SYT9: variants seen among roughly 807,000 people sequenced by gnomAD.
SYT9 encodes the protein synaptotagmin 9.
In SYT9, 22 loss-of-function variants were observed where a neutral mutation model predicts 48.4. The ratio of observed to expected loss-of-function variants is 0.45; its 90% CI spans 0.32 to 0.65. SYT9 has a LOEUF of 0.65. Ranked by LOEUF, SYT9 falls within the 30% of genes least tolerant of loss-of-function variation. The pLI, the probability that SYT9 is intolerant of heterozygous loss-of-function variation, is 0.03. For synonymous variants in SYT9, 265 were observed against 245.0 expected (o/e 1.08, Z -0.76); for missense variants, 577 against 622.0 (o/e 0.93, Z 0.77).
chr11:7,253,029 A>AC (rs1847903739), intron 1 of SYT9, among the ~76,000 whole-genome samples: 1 of 152,038 alleles, frequency 6.6e-6, no homozygotes, highest in Non-Finnish European at 1.5e-5. Flanking sequence ...ACCTGTAGTT[A>AC]CTCCTAGTGA....
intron 6 of SYT9, among the ~76,000 whole-genome samples, chr11:7,429,317 T>C (rs1249106485): frequency 6.6e-6 from 1 of 152,206 alleles, no homozygotes; most frequent in East Asian, 1.9e-4. Context: ...GTGTGAATGT[T>C]TGGACAAAGA....
At chr11:7,310,082 A>G (rs1431165455) in intron 2 of SYT9, among the ~76,000 whole-genome samples, 1 of 152,202 alleles carries the variant, frequency 6.6e-6, no homozygotes, top group Non-Finnish European at 1.5e-5. Flanking sequence ...ATGTTTCAGT[A>G]GATAATAGTA....
At chr11:7,279,563 C>T (rs2133900023) in intron 1 of SYT9, among the ~76,000 whole-genome samples, 1 of 152,232 alleles carries the variant, frequency 6.6e-6, no homozygotes, top group Non-Finnish European at 1.5e-5. Context: ...CCATGACCAC[C>T]TCCCGCCTTC....
upstream of SYT9, among the ~76,000 whole-genome samples, chr11:7,251,211 G>C (rs760688050): frequency 6.6e-6 from 1 of 151,936 alleles, no homozygotes; most frequent in Non-Finnish European, 1.5e-5. Context: ...GTGCCCTGAG[G>C]TTCCTTCCAA....
chr11:7,454,120 C>G (rs1848107215), intron 6 of SYT9: 2 of 985,302 alleles, frequency 2.0e-6, no homozygotes, highest in East Asian at 2.3e-4. Context: ...CTTTTCTTTC[C>G]TTTCCTTGCT....
chr11:7,301,978 G>A (rs750507373), intron 1 of SYT9, among the ~76,000 whole-genome samples: 3 of 152,202 alleles, frequency 2.0e-5, no homozygotes, highest in Non-Finnish European at 2.9e-5. Flanking sequence ...CTGATGCCAT[G>A]GGGCTGTGGT....
intron 3 of SYT9, among the ~76,000 whole-genome samples, chr11:7,402,837 A>T: frequency 6.6e-6 from 1 of 152,148 alleles, no homozygotes; most frequent in Admixed American, 6.5e-5. Flanking sequence ...GTAATTGTCA[A>T]TGTTTAAATC....
At position 7,464,998 on chromosome 11, in the gene SYT9, G is replaced by A. The variant is rs555716630; in HGVS notation, c.1468-1794G>A. Reference sequence around the variant, plus strand: ...AGCTACTCAGGAGGCTGAGGCAGGAGAATGGCATGAACCCGGGAGGTGGAG... The same window carrying A: ...AGCTACTCAGGAGGCTGAGGCAGGAAAATGGCATGAACCCGGGAGGTGGAG... On this transcript the variant is annotated intron_variant, in intron 6 of 6. Transcript: ENST00000318881. Among the ~76,000 whole-genome samples, 31 of 151,942 alleles carry A rather than the reference G, an allele frequency of 2.0e-4. No homozygotes were observed. In the South Asian group the frequency reaches 6.4e-3, roughly 32 times the overall value.
chr11:7,391,678 G>A (rs970232927), intron 3 of SYT9, among the ~76,000 whole-genome samples: 3 of 143,274 alleles, frequency 2.1e-5, no homozygotes, highest in African/African-American at 7.8e-5. Flanking sequence ...AGGTAGTCAG[G>A]TGACTTGAGC....
At chr11:7,349,528 A>T (rs944532550) in intron 3 of SYT9, among the ~76,000 whole-genome samples, 1 of 152,070 alleles carries the variant, frequency 6.6e-6, no homozygotes, top group African/African-American at 2.4e-5. Flanking sequence ...GGCAGGGGTC[A>T]TGTTCCTACA....
intron 3 of SYT9, among the ~76,000 whole-genome samples, chr11:7,361,939 A>G (rs936973087): frequency 1.3e-5 from 2 of 152,122 alleles, no homozygotes; most frequent in African/African-American, 4.8e-5. Context: ...GGTCACTGAA[A>G]AGCTCCTCTT....
chr11:7,258,722 T>G (rs1031895493), intron 1 of SYT9, among the ~76,000 whole-genome samples: 5 of 152,124 alleles, frequency 3.3e-5, no homozygotes, highest in African/African-American at 9.7e-5. Context: ...TGCTGTAACA[T>G]TGTGCCCAGA....
At chr11:7,298,912 T>C (rs1243848202) in intron 1 of SYT9, among the ~76,000 whole-genome samples, 2 of 152,170 alleles carry the variant, frequency 1.3e-5, no homozygotes, top group East Asian at 1.9e-4. Context: ...TTATGCACGG[T>C]CACCCCCAAA....
intron 3 of SYT9, among the ~76,000 whole-genome samples, chr11:7,358,291 G>C (rs1275306424): frequency 1.3e-5 from 2 of 151,878 alleles, no homozygotes; most frequent in African/African-American, 4.8e-5. Context: ...GGTTTTTTTG[G>C]CTGGTGAATA....
intron 3 of SYT9, among the ~76,000 whole-genome samples, chr11:7,341,884 CAT>C (rs1849719553): frequency 6.6e-6 from 1 of 152,064 alleles, no homozygotes; most frequent in Non-Finnish European, 1.5e-5. Flanking sequence ...TTAATGGACT[CAT>C]AGTTCCACGT....
chr11:7,397,261 A>G (rs1846773507), intron 3 of SYT9, among the ~76,000 whole-genome samples: 1 of 152,152 alleles, frequency 6.6e-6, no homozygotes, highest in African/African-American at 2.4e-5. Flanking sequence ...TGTTAAAAAG[A>G]GTATCCTTTA....
At chr11:7,264,324 A>G (rs1848133244) in intron 1 of SYT9, among the ~76,000 whole-genome samples, 1 of 152,134 alleles carries the variant, frequency 6.6e-6, no homozygotes, top group Non-Finnish European at 1.5e-5. Context: ...CATGAATTTA[A>G]AGTAATTTCC....
At chr11:7,446,174 GA>G in intron 6 of SYT9, among the ~76,000 whole-genome samples, 1 of 152,324 alleles carries the variant, frequency 6.6e-6, no homozygotes, top group South Asian at 2.1e-4. Context: ...CAAAGGAAAT[GA>G]AAAGCTCCCA....
chr11:7,439,072 A>G (rs1847773061), intron 6 of SYT9: 1 of 152,238 alleles, frequency 6.6e-6, no homozygotes, highest in South Asian at 2.1e-4. Flanking sequence ...CTTCAATCAG[A>G]CAAACCCAAG....
Sources: gnomAD v4.1 joint callset for allele counts (sites outside exome capture counted in the v4.1 genomes callset) on GRCh38, gnomAD v4.1.1 for gene constraint, MANE v1.5 for transcripts, NCBI Gene and HGNC (gene_info 2026-07-23, HGNC 2026-07-21) for gene names.